Variants in CHML observed in about 807,000 individuals in gnomAD.
CHML encodes the protein CHM like Rab escort protein.
CHML carries 20 observed loss-of-function variants against 30.4 expected under a neutral mutation model. That is an observed-to-expected ratio of 0.66 (90% confidence interval 0.46 to 0.95). The LOEUF is 0.95. Among genes scored for constraint, CHML ranks in the 40% least tolerant of loss-of-function variants. CHML has a pLI of 0.00. For missense variants in CHML, 795 were observed against 768.5 expected, an observed-to-expected ratio of 1.03 and a Z score of -0.41; for synonymous variants, 281 against 275.0, an observed-to-expected ratio of 1.02 and a Z score of -0.22.
At position 241,635,096 on chromosome 1, in the gene CHML, TTAAC is replaced by T. The variant is rs1292804287; in HGVS notation, c.667_670del (p.Val223LysfsTer21). On this transcript the variant is annotated frameshift_variant, in exon 2 of 2. Transcript: ENST00000366553. LOFTEE classifies it high-confidence loss of function. ...ATCAATATTAAACCTCCTGCCTTCT[TTAAC>T]TATTTGAGAGTAAGTAATCCTATTT... The T allele has an allele frequency of 6.2e-7, 1 of 1,612,842 alleles. No individual in the cohort carries two copies. The highest frequency in any genetic ancestry group is 8.5e-7 in the Non-Finnish European group (1 of 1,179,866).
At position 241,629,024 on chromosome 1, in the gene CHML, T is replaced by C. The variant is rs1236919869; in HGVS notation, c.*4772A>G. Reference sequence around the variant, plus strand: ...TCAGTAAACACAATTTATGTTCTTATTAACATTTTTGAATCTCACTTTTTT... The same window carrying C: ...TCAGTAAACACAATTTATGTTCTTACTAACATTTTTGAATCTCACTTTTTT... On this transcript the variant is annotated 3_prime_UTR_variant, in exon 2 of 2. Transcript: ENST00000366553. 1 of 152,632 alleles carries C rather than the reference T, an allele frequency of 6.6e-6. No individual in the cohort carries two copies. Among genetic ancestry groups the C allele is most frequent in the Non-Finnish European group, 1.5e-5 (1 of 68,018 alleles). The allele number at this position is 152,632 out of a possible 1,614,324, so 9.5% of individuals were successfully genotyped here. A position where few individuals can be genotyped will look rare whatever the true frequency, so the allele number is the denominator to read the frequency against.
chr1:241,633,599 T>C lies in CHML; in HGVS notation c.*197A>G. 1 of 625,176 alleles carries C rather than the reference T, an allele frequency of 1.6e-6. No homozygotes were observed. Among genetic ancestry groups the C allele is most frequent in the Non-Finnish European group, 2.7e-6 (1 of 369,134 alleles). The allele number at this position is 625,176 out of a possible 1,614,324, so 38.7% of individuals were successfully genotyped here. A position where few individuals can be genotyped will look rare whatever the true frequency, so the allele number is the denominator to read the frequency against. On this transcript the variant is annotated 3_prime_UTR_variant, in exon 2 of 2. Coordinates refer to ENST00000366553, the MANE Select transcript of CHML (RefSeq NM_001381853.1). Reference sequence around the variant, plus strand: ...ATATAGCCCATTCTAAACAAAATGTTCAATAATCAATAAATCACTCATTGA... The same window carrying C: ...ATATAGCCCATTCTAAACAAAATGTCCAATAATCAATAAATCACTCATTGA...
chr1:241,640,202 G>T lies in CHML; in HGVS notation c.-628C>A. The T allele has an allele frequency of 7.3e-7, 1 of 1,364,350 alleles. No homozygotes were observed. The highest frequency in any genetic ancestry group is 9.4e-7 in the Non-Finnish European group (1 of 1,065,576). The allele number at this position is 1,364,350 out of a possible 1,614,324, so 84.5% of individuals were successfully genotyped here. A position where few individuals can be genotyped will look rare whatever the true frequency, so the allele number is the denominator to read the frequency against. On this transcript the variant is annotated 5_prime_UTR_variant, in exon 1 of 2. Coordinates refer to ENST00000366553, the MANE Select transcript of CHML (RefSeq NM_001381853.1). ...CGGCGCCGGCCCCTCAGCGCCCGCGGCCCCGCCGCCGTCCCAGTAGCCGTG... is the reference window on the plus strand; with the variant it reads ...CGGCGCCGGCCCCTCAGCGCCCGCGTCCCCGCCGCCGTCCCAGTAGCCGTG...
Position 241,633,748 on chromosome 1 carries a change from C to G in CHML, c.*48G>C. 6.3e-7 allele frequency: 1 copy of G among 1,594,100 alleles called. No individual in the cohort carries two copies. Among genetic ancestry groups the G allele is most frequent in the South Asian group, 1.1e-5 (1 of 88,358 alleles). ...AAACTGTCCTTTAAATGAGAAAATT[C>G]TGATGCCATGAAGGAGGTCCAAAAC... On this transcript the variant is annotated 3_prime_UTR_variant, in exon 2 of 2. Coordinates refer to ENST00000366553, the MANE Select transcript of CHML (RefSeq NM_001381853.1).
Position 241,635,429 on chromosome 1 carries a change from A to G in CHML, c.338T>C (p.Val113Ala). 2 of 1,614,050 alleles carry G rather than the reference A, an allele frequency of 1.2e-6. No homozygotes were observed. Among genetic ancestry groups the G allele is most frequent in the African/African-American group, 1.3e-5 (1 of 75,074 alleles). Residue 113 changes from valine (V) to alanine (A), a missense_variant, in exon 2 of 2, where the codon GTT becomes GCT. Coordinates refer to ENST00000366553, the MANE Select transcript of CHML (RefSeq NM_001381853.1). ...CYASQDMEDN[V>A]EEIGALQKNP... ...TTTCTGCAGAGCACCAATCTCTTCAACGTTGTCCTCCATATCCTGACTGGC... is the reference window on the plus strand; with the variant it reads ...TTTCTGCAGAGCACCAATCTCTTCAGCGTTGTCCTCCATATCCTGACTGGC...
chr1:241,634,635 G>C lies in CHML; in HGVS notation c.1132C>G (p.Pro378Ala). Reference sequence around the variant, plus strand: ...GGAATTTCTCCTTGGCCATACAAGGGAAATAAAAAGGGGGTGTTGCCAAAC... The same window carrying C: ...GGAATTTCTCCTTGGCCATACAAGGCAAATAAAAAGGGGGTGTTGCCAAAC... ...GRFGNTPFLF[P>A]LYGQGEIPQG... The change falls in exon 2 of 2, where the codon CCC (proline) becomes GCC (alanine). Residue 378 changes from proline to alanine, a missense_variant. Coordinates refer to ENST00000366553, the MANE Select transcript of CHML (RefSeq NM_001381853.1). The C allele has an allele frequency of 4.3e-6, 7 of 1,613,870 alleles. No homozygotes were observed. The highest frequency in any genetic ancestry group is 5.9e-6 in the Non-Finnish European group (7 of 1,179,876).
chr1:241,633,757 T>C lies in CHML; in HGVS notation c.*39A>G, dbSNP rs775034492. On this transcript the variant is annotated 3_prime_UTR_variant, in exon 2 of 2. Coordinates refer to ENST00000366553, the MANE Select transcript of CHML (RefSeq NM_001381853.1). ...TTTAAATGAGAAAATTCTGATGCCA[T>C]GAAGGAGGTCCAAAACAGCATTTCG... is the stretch of plus-strand genomic sequence containing the variant. 3.1e-6 allele frequency: 5 copies of C among 1,605,400 alleles called. No homozygotes were observed. The South Asian group carries it at 4.5e-5, about 14-fold the overall frequency.
At chr1:241,636,105 T>C (rs1664887822) in intron 1 of CHML, 32 bp from the exon 2 acceptor site, 1 of 435,350 alleles carries the variant, frequency 2.3e-6, no homozygotes, top group East Asian at 3.4e-5. Context: ...AAGAATACAT[T>C]GTAAACAATA....
rs1665081358 is a variant in CHML, at chr1:241,640,347, G to A, written c.-773C>T. Reference sequence around the variant, plus strand: ...CACTGGGTGGGGTTGGGGCTCCGCCGCCTGCTCTAGCCATTGTGCACTGAG... The same window carrying A: ...CACTGGGTGGGGTTGGGGCTCCGCCACCTGCTCTAGCCATTGTGCACTGAG... On this transcript the variant is annotated 5_prime_UTR_variant, in exon 1 of 2. Transcript: ENST00000366553. 6 of 1,060,008 alleles carry A rather than the reference G, an allele frequency of 5.7e-6. No individual in the cohort carries two copies. The highest frequency in any genetic ancestry group is 6.8e-6 in the Non-Finnish European group (6 of 880,140). 65.7% of individuals were successfully genotyped at this position (1,060,008 alleles called of 1,614,324 possible). A position where few individuals can be genotyped will look rare whatever the true frequency, so the allele number is the denominator to read the frequency against.
intron 1 of CHML, among the ~76,000 whole-genome samples, chr1:241,638,907 T>C (rs1378740943): frequency 6.6e-6 from 1 of 152,180 alleles, no homozygotes; most frequent in African/African-American, 2.4e-5. Context: ...TATCAATGGA[T>C]TTCAGGATTT....
At position 241,635,313 on chromosome 1, in the gene CHML, C is replaced by T. The variant is rs200195721; in HGVS notation, c.454G>A (p.Glu152Lys). ...ESQLSYFNSD[E>K]MPAKHTQKSD... ...TTCTGAGTGTGTTTTGCAGGCATTTCGTCGCTATTAAAATACGATAACTGG... is the reference window on the plus strand; with the variant it reads ...TTCTGAGTGTGTTTTGCAGGCATTTTGTCGCTATTAAAATACGATAACTGG... The change falls in exon 2 of 2, where the codon GAA (glutamate) becomes AAA (lysine). Residue 152 changes from glutamate to lysine, a missense_variant. Physicochemically the swap from Glu to Lys is moderately conservative, Grantham distance 56. Transcript: ENST00000366553. 1.7e-5 allele frequency: 27 copies of T among 1,613,908 alleles called. No individual in the cohort carries two copies. The East Asian group carries it at 2.5e-4, about 15-fold the overall frequency.
chr1:241,635,389 C>T lies in CHML; in HGVS notation c.378G>A (p.Gly126=), dbSNP rs762361100. The T allele has an allele frequency of 1.5e-5, 24 of 1,613,844 alleles. No homozygotes were observed. In the East Asian group the frequency reaches 4.7e-4, roughly 31 times the overall value. Residue 126 remains glycine (G), a synonymous_variant, in exon 2 of 2, where the codon GGG becomes GGA. Transcript: ENST00000366553. ...GAACTTCAGTGAAGGTATTAGACAC[C>T]CCCAAAGAAGGATTTTTCTGCAGAG... ...IGALQKNPSL[G]VSNTFTEVLD...
At chr1:241,637,574 A>G (rs1446307137) in intron 1 of CHML, among the ~76,000 whole-genome samples, 1 of 152,234 alleles carries the variant, frequency 6.6e-6, no homozygotes, top group Non-Finnish European at 1.5e-5. Flanking sequence ...CTTGGCTTAG[A>G]AAGACAGGGC....
At position 241,629,023 on chromosome 1, in the gene CHML, A is replaced by C. The variant is rs1386701594; in HGVS notation, c.*4773T>G. ...ATCAGTAAACACAATTTATGTTCTT[A>C]TTAACATTTTTGAATCTCACTTTTT... On this transcript the variant is annotated 3_prime_UTR_variant, in exon 2 of 2. Transcript: ENST00000366553. 1 of 152,604 alleles carries C rather than the reference A, an allele frequency of 6.6e-6. No homozygotes were observed. Among genetic ancestry groups the C allele is most frequent in the Non-Finnish European group, 1.5e-5 (1 of 68,014 alleles). 9.5% of individuals were successfully genotyped at this position (152,604 alleles called of 1,614,324 possible).
Position 241,632,733 on chromosome 1 carries a change from T to A in CHML, c.*1063A>T, listed in dbSNP as rs1464021435. 6.6e-6 allele frequency: 1 copy of A among 152,124 alleles called. No homozygotes were observed. Among genetic ancestry groups the A allele is most frequent in the Non-Finnish European group, 1.5e-5 (1 of 68,002 alleles). 9.4% of individuals were successfully genotyped at this position (152,124 alleles called of 1,614,324 possible). A position where few individuals can be genotyped will look rare whatever the true frequency, so the allele number is the denominator to read the frequency against. ...TAAATCCTCCTTTGATTCATTCCTA[T>A]CAGTTATGTTATAGTGATATTAATT... On this transcript the variant is annotated 3_prime_UTR_variant, in exon 2 of 2. Transcript: ENST00000366553.
At position 241,633,960 on chromosome 1, in the gene CHML, T is replaced by C; in HGVS notation, c.1807A>G (p.Thr603Ala). ...GGAGGTGGAGGGCAGAATTCTTCAG[T>C]TGGAAAGATCTCCTGGAAAAGTGTT... Reference protein sequence around the residue: ...AETLFQEIFPTEEFCPPPPNP... With the variant: ...AETLFQEIFPAEEFCPPPPNP... The change falls in exon 2 of 2, where the codon ACT becomes GCT. Residue 603 changes from threonine (T) to alanine (A), a missense_variant. By Grantham distance (58) the Thr-to-Ala change is moderately conservative. Transcript: ENST00000366553. 2 of 1,613,918 alleles carry C rather than the reference T, an allele frequency of 1.2e-6. No individual in the cohort carries two copies. Among genetic ancestry groups the C allele is most frequent in the Non-Finnish European group, 1.7e-6 (2 of 1,179,848 alleles).
Position 241,635,267 on chromosome 1 carries a change from A to G in CHML, c.500T>C (p.Leu167Pro), listed in dbSNP as rs1275467148. Residue 167 changes from leucine to proline, a missense_variant, in exon 2 of 2, where the codon CTA (leucine) becomes CCA (proline). Leu to Pro is a moderately conservative substitution (Grantham distance 98). Coordinates refer to ENST00000366553, the MANE Select transcript of CHML (RefSeq NM_001381853.1). The stretch of plus-strand genomic sequence containing the variant: ...TGATTCCTCTACATCAGTTACTTCT[A>G]GTGAAATCTCTGTATCACTTTTCTG... ...HTQKSDTEIS[L>P]EVTDVEESVE... The G allele has an allele frequency of 1.9e-6, 3 of 1,613,920 alleles. No homozygotes were observed. The highest frequency in any genetic ancestry group is 1.7e-6 in the Non-Finnish European group (2 of 1,179,932).
rs1470932025 is a variant in CHML at position 241,632,147 on chromosome 1, A to G, written c.*1649T>C. On this transcript the variant is annotated 3_prime_UTR_variant, in exon 2 of 2. Transcript: ENST00000366553. ...CCCCATACTGTTCTCATGGTAGTAA[A>G]TAAGTCTCACGATATCTGATGGTTT... 2 of 152,258 alleles carry G rather than the reference A, an allele frequency of 1.3e-5. No homozygotes were observed. The highest frequency in any genetic ancestry group is 3.4e-3 in the Middle Eastern group (1 of 294). The allele number at this position is 152,258 out of a possible 1,614,324, so 9.4% of individuals were successfully genotyped here. A position where few individuals can be genotyped will look rare whatever the true frequency, so the allele number is the denominator to read the frequency against.
chr1:241,634,357 T>TA lies in CHML; in HGVS notation c.1409dup (p.Leu470PhefsTer47). ...CTATCAGAATGGAAGTCTGCTGATC[T>TA]AAATCTGTCTTTAGTATAGACTGAT... is the stretch of plus-strand genomic sequence containing the variant. On this transcript the variant is annotated frameshift_variant, in exon 2 of 2. Transcript: ENST00000366553. LOFTEE classifies it high-confidence loss of function. 1 of 1,614,036 alleles carries TA rather than the reference T, an allele frequency of 6.2e-7. No individual in the cohort carries two copies. The highest frequency in any genetic ancestry group is 8.5e-7 in the Non-Finnish European group (1 of 1,179,924).
Sources: gnomAD v4.1 joint callset for allele counts (sites outside exome capture counted in the v4.1 genomes callset) on GRCh38, gnomAD v4.1.1 for gene constraint, MANE v1.5 for transcripts, NCBI Gene and HGNC (gene_info 2026-07-23, HGNC 2026-07-21) for gene names.